The following PWWP2A variants were observed in gnomAD, a reference collection of about 807,000 sequenced individuals.
PWWP2A encodes the protein PWWP domain containing 2A.
PWWP2A carries 18 observed loss-of-function variants against 48.5 expected under a neutral mutation model. That is an observed-to-expected ratio of 0.37 (90% confidence interval 0.26 to 0.55). The LOEUF is 0.55. PWWP2A is among the 20% of genes least tolerant of loss of function. PWWP2A has a pLI of 0.81. For synonymous variants in PWWP2A, 396 were observed against 387.7 expected (o/e 1.02, Z -0.25); for missense variants, 867 against 976.4 (o/e 0.89, Z 1.49).
At chr5:160,044,870 C>CTA in the PWWP2A span, among the ~76,000 whole-genome samples, 1 of 152,174 alleles carries the variant, frequency 6.6e-6, no homozygotes, top group East Asian at 1.9e-4. Context: ...CTCTGACACT[C>CTA]TAATTTTTTA....
intron 1 of PWWP2A, among the ~76,000 whole-genome samples, chr5:160,097,707 G>A (rs796338263): frequency 6.2e-5 from 1 of 16,086 alleles, no homozygotes; most frequent in African/African-American, 3.1e-4. Context: ...TTTTTTTTTT[G>A]GGGGGGGGGG....
downstream of PWWP2A, chr5:160,090,195 TG>T: frequency 1.0e-6 from 1 of 985,110 alleles, no homozygotes; most frequent in Non-Finnish European, 1.2e-6. Flanking sequence ...TCTTTCCCCA[TG>T]GCTTCTGAAA....
At chr5:160,084,293 A>T (rs1402472831) in intron 2 of PWWP2A, among the ~76,000 whole-genome samples, 1 of 152,232 alleles carries the variant, frequency 6.6e-6, no homozygotes, top group Non-Finnish European at 1.5e-5. Flanking sequence ...CATAGTGTGT[A>T]AGTGGCTGAT....
intron 1 of PWWP2A, among the ~76,000 whole-genome samples, chr5:160,101,306 C>A (rs574092494): frequency 6.3e-4 from 96 of 152,172 alleles, no homozygotes; most frequent in Middle Eastern, 6.8e-3. Flanking sequence ...GAAGAGATCA[C>A]GCCACTGCAC....
chr5:160,056,218 G>A, the PWWP2A span, among the ~76,000 whole-genome samples: 1 of 152,184 alleles, frequency 6.6e-6, no homozygotes, highest in Non-Finnish European at 1.5e-5. Context: ...CCTTTCACCA[G>A]CACCTGCTGC....
intron 2 of PWWP2A, among the ~76,000 whole-genome samples, chr5:160,070,642 C>T (rs1230154837): frequency 2.0e-5 from 3 of 152,096 alleles, no homozygotes; most frequent in Admixed American, 2.0e-4. Flanking sequence ...CTTAAGGAGA[C>T]AGTGTTATAC....
At chr5:160,101,852 T>C (rs1248934488) in intron 1 of PWWP2A, among the ~76,000 whole-genome samples, 1 of 151,264 alleles carries the variant, frequency 6.6e-6, no homozygotes, top group Non-Finnish European at 1.5e-5. Context: ...GGCTCATGCC[T>C]GTAATCCCAG....
At chr5:160,112,910 C>G (rs1757734668) in intron 1 of PWWP2A, among the ~76,000 whole-genome samples, 1 of 152,158 alleles carries the variant, frequency 6.6e-6, no homozygotes, top group South Asian at 2.1e-4. Context: ...GTAATCCCAA[C>G]ACTTTGGGAG....
At chr5:160,070,752 C>T (rs981017729) in intron 2 of PWWP2A, among the ~76,000 whole-genome samples, 5 of 152,166 alleles carry the variant, frequency 3.3e-5, no homozygotes, top group Admixed American at 2.0e-4. Context: ...ATCTGAGCTT[C>T]GGCAAAATGA....
At chr5:160,091,315 T>C, downstream of PWWP2A, 1 of 979,118 alleles carries the variant, frequency 1.0e-6, no homozygotes. Context: ...TTTTCAAAGC[T>C]TTTTGAGAAA....
downstream of PWWP2A, among the ~76,000 whole-genome samples, chr5:160,057,040 C>T (rs551507622): frequency 1.4e-4 from 21 of 152,084 alleles, no homozygotes; most frequent in South Asian, 4.0e-3. The surrounding 1 kb of genome is among the most constrained non-coding windows in gnomAD (Gnocchi z 4.4). Flanking sequence ...ACAGACTGTA[C>T]ACTTGCAGGA....
At chr5:160,062,569 C>G (rs970390462) in intron 5 of PWWP2A, among the ~76,000 whole-genome samples, 4 of 152,202 alleles carry the variant, frequency 2.6e-5, no homozygotes, top group African/African-American at 9.6e-5. Context: ...AGTAAAATTT[C>G]CAGTTTGTAC....
At chr5:160,057,343 T>C (rs1372509363), downstream of PWWP2A, among the ~76,000 whole-genome samples, 1 of 152,026 alleles carries the variant, frequency 6.6e-6, no homozygotes, top group Non-Finnish European at 1.5e-5. The surrounding 1 kb of genome is among the most constrained non-coding windows in gnomAD (Gnocchi z 4.4). Context: ...TGTTTCCCAG[T>C]GCATACAGAA....
intron 2 of PWWP2A, among the ~76,000 whole-genome samples, chr5:160,083,176 C>A (rs538100262): frequency 1.3e-5 from 2 of 152,264 alleles, no homozygotes; most frequent in South Asian, 2.1e-4. Flanking sequence ...TTTTTCTAAC[C>A]AGCTCTTTTA....
chr5:160,086,243 CACAGTGGCTCAT>C, intron 2 of PWWP2A, among the ~76,000 whole-genome samples: 1 of 152,264 alleles, frequency 6.6e-6, no homozygotes, highest in Middle Eastern at 3.4e-3. Context: ...TTTAGCTGGG[CACAGTGGCTCAT>C]ACCTGTAACC....
intron 2 of PWWP2A, among the ~76,000 whole-genome samples, chr5:160,068,133 A>T (rs1007954376): frequency 6.6e-6 from 1 of 152,176 alleles, no homozygotes; most frequent in African/African-American, 2.4e-5. Flanking sequence ...GTGAGCCAAG[A>T]TCATGCCACT....
At chr5:160,058,496 C>T (rs1416723151), downstream of PWWP2A, among the ~76,000 whole-genome samples, 10 of 151,140 alleles carry the variant, frequency 6.6e-5, no homozygotes, top group African/African-American at 2.2e-4. Context: ...GTGCAAGCTC[C>T]GCCTCCTGGG....
chr5:160,086,183 C>A (rs1335913281), intron 2 of PWWP2A, among the ~76,000 whole-genome samples: 1 of 151,838 alleles, frequency 6.6e-6, no homozygotes, highest in Non-Finnish European at 1.5e-5. Context: ...CTGTTCTCAA[C>A]TTCTTTTTAA....
chr5:160,066,315 T>TTTTTTTTTTTTTG (rs1753607904), intron 4 of PWWP2A, among the ~76,000 whole-genome samples: 5 of 147,874 alleles, frequency 3.4e-5, no homozygotes, highest in Non-Finnish European at 6.0e-5. Context: ...TTTTTTTTTT[T>TTTTTTTTTTTTTG]GAGGGGGGTC....
Sources: allele counts gnomAD v4.1 joint callset (sites outside exome capture counted in the v4.1 genomes callset), GRCh38; gene constraint gnomAD v4.1.1; non-coding constraint Gnocchi (gnomAD v3.1); transcripts MANE v1.5; gene names NCBI Gene and HGNC (gene_info 2026-07-23, HGNC 2026-07-21).